The following KLHL6 variants were observed in gnomAD, a reference collection of about 807,000 sequenced individuals.
KLHL6 encodes the protein kelch-like protein 6.
Under a neutral mutation model 58.6 loss-of-function variants are expected in KLHL6, and 41 were observed. That is an observed-to-expected ratio of 0.70 (90% confidence interval 0.55 to 0.91). KLHL6 has a LOEUF of 0.91. Ranked by LOEUF, KLHL6 falls within the 40% of genes least tolerant of loss-of-function variation. The pLI, the probability that KLHL6 is intolerant of heterozygous loss-of-function variation, is 0.00. For missense variants in KLHL6, 714 were observed against 805.6 expected, an observed-to-expected ratio of 0.89 and a Z score of 1.38; for synonymous variants, 338 against 322.7, an observed-to-expected ratio of 1.05 and a Z score of -0.51.
At chr3:183,511,311 C>T (rs1718179138) in intron 2 of KLHL6, among the ~76,000 whole-genome samples, 3 of 152,240 alleles carry the variant, frequency 2.0e-5, no homozygotes, top group African/African-American at 7.2e-5. Flanking sequence ...AATAAAGCAG[C>T]ATTGCTGCCA....
At chr3:183,531,441 GTGTTTTTTTTT>G (rs1712155847) in intron 1 of KLHL6, among the ~76,000 whole-genome samples, 2 of 102,100 alleles carry the variant, frequency 2.0e-5, no homozygotes, top group South Asian at 2.9e-4. Flanking sequence ...TTTTTTGTCT[GTGTTTTTTTTT>G]TTTTTTTTTT....
At chr3:183,512,805 TATAA>T (rs563431083) in intron 2 of KLHL6, among the ~76,000 whole-genome samples, 5 of 151,436 alleles carry the variant, frequency 3.3e-5, no homozygotes, top group South Asian at 2.1e-4. Context: ...ATCCTATTTT[TATAA>T]ATAAATAAAT....
chr3:183,512,865 C>T (rs937034917), intron 2 of KLHL6, among the ~76,000 whole-genome samples: 1 of 151,878 alleles, frequency 6.6e-6, no homozygotes, highest in Non-Finnish European at 1.5e-5. Flanking sequence ...CACAGTGGCT[C>T]ACACTGTAAT....
At chr3:183,544,163 C>CAAAAAAAAAAAAAAAAAAAAAAAAAAA in intron 1 of KLHL6, among the ~76,000 whole-genome samples, 1 of 57,010 alleles carries the variant, frequency 1.8e-5, no homozygotes, top group Non-Finnish European at 3.5e-5. Flanking sequence ...AACTCAGTCT[C>CAAAAAAAAAAAAAAAAAAAAAAAAAAA]AAAAAAAAAA....
At chr3:183,534,155 TACTTTAAAAG>T (rs1712282678) in intron 1 of KLHL6, among the ~76,000 whole-genome samples, 2 of 132,954 alleles carry the variant, frequency 1.5e-5, no homozygotes, top group East Asian at 4.2e-4. Context: ...ACTTTAAAAG[TACTTTAAAAG>T]ACATTACTTT....
At chr3:183,507,669 G>A (rs776788973) in intron 3 of KLHL6, among the ~76,000 whole-genome samples, 14 of 151,996 alleles carry the variant, frequency 9.2e-5, no homozygotes, top group Non-Finnish European at 1.6e-4. Context: ...TCTTGACCTC[G>A]TGATCCACCC....
At chr3:183,554,072 G>A (rs1699883780) in intron 1 of KLHL6, among the ~76,000 whole-genome samples, 1 of 151,988 alleles carries the variant, frequency 6.6e-6, no homozygotes, top group Admixed American at 6.5e-5. Flanking sequence ...GAGTTAAGAA[G>A]AATCTCATTA....
intron 2 of KLHL6, among the ~76,000 whole-genome samples, chr3:183,514,483 C>G (rs1275221489): frequency 2.6e-5 from 4 of 151,984 alleles, no homozygotes; most frequent in Admixed American, 1.3e-4. Context: ...TGTTATGATC[C>G]TACGCGCCTC....
In KLHL6 at chr3:183,555,459, C is replaced by T; in HGVS notation, c.195G>A (p.Leu65=). The stretch of plus-strand genomic sequence containing the variant: ...CATCTGTCAGAGCGTTTTCCATTCG[C>T]AGGGTTTCCAGGCCATTCTGAAGAA... ...SLILQNGLET[L]RMENALTDVI... is the part of the protein sequence containing the mutation. The change falls in exon 1 of 7, where the codon CTG becomes CTA. Residue 65 remains leucine, a synonymous_variant. Transcript: ENST00000341319. 6.2e-7 allele frequency: 1 copy of T among 1,614,192 alleles called. No homozygotes were observed. The highest frequency in any genetic ancestry group is 8.5e-7 in the Non-Finnish European group (1 of 1,180,020).
rs531144416 is a variant in KLHL6 at position 183,546,137 on chromosome 3, A to T, written c.293+9224T>A. ...TCATGCCACACATCCCTACAAGTGT[A>T]TCCAGGGCTCCTCACAGTTTTGCAG... On this transcript the variant is annotated intron_variant, in intron 1 of 6. Transcript: ENST00000341319. 5.9e-5 allele frequency among the ~76,000 whole-genome samples: 9 copies of T among 152,328 alleles called. No homozygotes were observed. The East Asian group carries it at 1.2e-3, about 20-fold the overall frequency.
intron 2 of KLHL6, among the ~76,000 whole-genome samples, chr3:183,527,493 C>T (rs952470692): frequency 6.6e-6 from 1 of 152,158 alleles, no homozygotes; most frequent in African/African-American, 2.4e-5. Context: ...TAACCCCAAA[C>T]CACAGAAGAG....
chr3:183,533,780 G>A (rs964156938), intron 1 of KLHL6, among the ~76,000 whole-genome samples: 17 of 151,666 alleles, frequency 1.1e-4, no homozygotes, highest in African/African-American at 3.6e-4. Flanking sequence ...TTCCGCCTCC[G>A]TCCTTCCCCC....
chr3:183,504,830 G>T (rs1717960342), intron 3 of KLHL6, among the ~76,000 whole-genome samples: 1 of 152,092 alleles, frequency 6.6e-6, no homozygotes. Flanking sequence ...TACCTGATAG[G>T]TAGTTTTTCA....
chr3:183,550,924 T>C (rs1436158031), intron 1 of KLHL6, among the ~76,000 whole-genome samples: 1 of 151,928 alleles, frequency 6.6e-6, no homozygotes, highest in Non-Finnish European at 1.5e-5. Flanking sequence ...ATTGAAACTA[T>C]CCTGGCTAAC....
intron 1 of KLHL6, among the ~76,000 whole-genome samples, chr3:183,537,050 A>G (rs1712387384): frequency 6.6e-6 from 1 of 152,116 alleles, no homozygotes; most frequent in African/African-American, 2.4e-5. Context: ...ATTTTCTGCC[A>G]CTTAAATACA....
intron 1 of KLHL6, chr3:183,544,796 A>ACACG (rs1162409740): frequency 1.3e-5 from 2 of 153,670 alleles, no homozygotes; most frequent in Non-Finnish European, 2.8e-5. Context: ...ACACACACAC[A>ACACG]CACGCACAGC....
At chr3:183,529,594 T>G (rs1431260467) in intron 1 of KLHL6, among the ~76,000 whole-genome samples, 1 of 151,978 alleles carries the variant, frequency 6.6e-6, no homozygotes, top group Non-Finnish European at 1.5e-5. Context: ...TCCCAGCACT[T>G]TGGAAGGCCA....
At position 183,492,987 on chromosome 3, in the gene KLHL6, G is replaced by C. The variant is rs1717617191; in HGVS notation, c.1351-280C>G. 2.4e-6 allele frequency: 1 copy of C among 416,774 alleles called. No individual in the cohort carries two copies. The highest frequency in any genetic ancestry group is 4.4e-6 in the Non-Finnish European group (1 of 225,428). 25.8% of individuals were successfully genotyped at this position (416,774 alleles called of 1,614,324 possible). Reference sequence around the variant, plus strand: ...TCTCAGGCAAGAATAAGTTTATACAGATGAAGTCAGCCAGTGTGGGAGGAA... The same window carrying C: ...TCTCAGGCAAGAATAAGTTTATACACATGAAGTCAGCCAGTGTGGGAGGAA... On this transcript the variant is annotated intron_variant, in intron 5 of 6. Coordinates refer to ENST00000341319, the MANE Select transcript of KLHL6 (RefSeq NM_130446.4). The surrounding 1 kb of genome is among the most constrained non-coding windows in gnomAD (Gnocchi z 5.9).
At chr3:183,494,673 G>A (rs895292693) in intron 4 of KLHL6, among the ~76,000 whole-genome samples, 8 of 152,172 alleles carry the variant, frequency 5.3e-5, no homozygotes, top group African/African-American at 1.9e-4. Flanking sequence ...CGGGGACAGT[G>A]GGGTTTGTGC....
Sources: gnomAD v4.1 joint callset for allele counts (sites outside exome capture counted in the v4.1 genomes callset) on GRCh38, gnomAD v4.1.1 for gene constraint, Gnocchi (gnomAD v3.1) non-coding constraint, MANE v1.5 for transcripts, NCBI Gene and HGNC (gene_info 2026-07-23, HGNC 2026-07-21) for gene names.